MNAT1: variants seen among roughly 807,000 people sequenced by gnomAD.
The protein encoded by MNAT1 is CDK-activating kinase assembly factor MAT1.
Under a neutral mutation model 42.0 loss-of-function variants are expected in MNAT1, and 43 were observed. That is an observed-to-expected ratio of 1.02 (90% CI 0.80 to 1.32). The LOEUF (loss-of-function observed/expected upper bound fraction) is 1.32, where lower values mean the gene tolerates loss of function less well. MNAT1 is among the 40% of genes most tolerant of loss of function. MNAT1 has a pLI of 0.00. For missense variants in MNAT1, 306 were observed against 350.4 expected (o/e 0.87, Z 1.01); for synonymous variants, 118 against 120.0 (o/e 0.98, Z 0.11).
At chr14:60,813,105 G>C (rs975395285) in intron 5 of MNAT1, among the ~76,000 whole-genome samples, 1 of 152,214 alleles carries the variant, frequency 6.6e-6, no homozygotes, top group Admixed American at 6.5e-5. Flanking sequence ...CTTTGGGGTT[G>C]TGGGCCCCCT....
At chr14:60,796,629 T>G (rs1211490853) in intron 2 of MNAT1, among the ~76,000 whole-genome samples, 1 of 152,224 alleles carries the variant, frequency 6.6e-6, no homozygotes, top group East Asian at 1.9e-4. Context: ...GAGTACCTAC[T>G]ATGTGTAAAC....
intron 3 of MNAT1, among the ~76,000 whole-genome samples, chr14:60,802,789 T>C (rs776029050): frequency 5.9e-5 from 9 of 152,168 alleles, no homozygotes; most frequent in Admixed American, 1.3e-4. Flanking sequence ...TATTTTCTAT[T>C]ATTTTGTTTT....
intron 5 of MNAT1, among the ~76,000 whole-genome samples, chr14:60,814,205 G>T (rs1195010473): frequency 1.3e-5 from 2 of 152,100 alleles, no homozygotes; most frequent in Non-Finnish European, 2.9e-5. Context: ...AAAAAATAGT[G>T]TATTTTTGCT....
chr14:60,968,704 C>T lies in MNAT1; in HGVS notation c.*355C>T, dbSNP rs540551304. On this transcript the variant is annotated 3_prime_UTR_variant, in exon 8 of 8. Coordinates refer to ENST00000261245, the MANE Select transcript of MNAT1 (RefSeq NM_002431.4). The stretch of plus-strand genomic sequence containing the variant: ...AAGTTCTGTGGTTTTTCTCTTATTA[C>T]AGTGTTTTACTTGAACACATTTTAA... 7 of 351,476 alleles carry T rather than the reference C, an allele frequency of 2.0e-5. No individual in the cohort carries two copies. The East Asian group carries it at 4.7e-4, about 23-fold the overall frequency. The allele number at this position is 351,476 out of a possible 1,614,324, so 21.8% of individuals were successfully genotyped here.
intron 3 of MNAT1, among the ~76,000 whole-genome samples, chr14:60,807,614 T>C (rs1406612454): frequency 1.3e-5 from 2 of 152,288 alleles, no homozygotes; most frequent in South Asian, 2.1e-4. Context: ...GATTTACATA[T>C]GGAAAATTAG....
At chr14:60,856,943 T>G (rs943474602) in intron 6 of MNAT1, among the ~76,000 whole-genome samples, 1 of 152,116 alleles carries the variant, frequency 6.6e-6, no homozygotes, top group East Asian at 1.9e-4. Flanking sequence ...CCTCCCAAAG[T>G]GCTGAGATTA....
intron 6 of MNAT1, among the ~76,000 whole-genome samples, chr14:60,825,462 G>T (rs2033027972): frequency 6.6e-6 from 1 of 152,158 alleles, no homozygotes; most frequent in Non-Finnish European, 1.5e-5. Context: ...ATATCCCAGG[G>T]GTTGATTTTG....
chr14:60,957,223 A>G (rs1288913255), intron 7 of MNAT1, among the ~76,000 whole-genome samples: 1 of 152,134 alleles, frequency 6.6e-6, no homozygotes, highest in Non-Finnish European at 1.5e-5. Context: ...TAGTTACGCT[A>G]GTCATACAAA....
intron 7 of MNAT1, among the ~76,000 whole-genome samples, chr14:60,891,143 C>T (rs1425079373): frequency 6.6e-6 from 1 of 152,080 alleles, no homozygotes; most frequent in Non-Finnish European, 1.5e-5. Flanking sequence ...ACTTTCATTT[C>T]TGATTTTAGT....
In MNAT1 at chr14:60,808,424, A is replaced by G; in HGVS notation, c.416A>G (p.Lys139Arg). 1.3e-6 allele frequency: 2 copies of G among 1,524,284 alleles called. No homozygotes were observed. Among genetic ancestry groups the G allele is most frequent in the South Asian group, 1.2e-5 (1 of 80,710 alleles). 94.4% of individuals were successfully genotyped at this position (1,524,284 alleles called of 1,614,324 possible). Reference sequence around the variant, plus strand: ...GATGTTATTCAGAAAAATAAATTAAAGCTGGTCGGTTGCTAAGTATTTTCT... The same window carrying G: ...GATGTTATTCAGAAAAATAAATTAAGGCTGGTCGGTTGCTAAGTATTTTCT... ...NKDVIQKNKL[K>R]LTREQEELEE... Residue 139 changes from lysine (K) to arginine (R), a missense_variant, in exon 4 of 8, where the codon AAG (lysine) becomes AGG (arginine). This residue lies in a region of MNAT1 where 118 missense variants were observed against 99.8 expected (regional missense o/e 1.18). Transcript: ENST00000261245.
At chr14:60,904,383 G>C (rs1472102476) in intron 7 of MNAT1, among the ~76,000 whole-genome samples, 1 of 151,718 alleles carries the variant, frequency 6.6e-6, no homozygotes, top group South Asian at 2.1e-4. Flanking sequence ...TTTTTTGTTT[G>C]TTTGTTTTTG....
At chr14:60,896,887 G>A (rs2034969179) in intron 7 of MNAT1, among the ~76,000 whole-genome samples, 1 of 152,134 alleles carries the variant, frequency 6.6e-6, no homozygotes, top group Non-Finnish European at 1.5e-5. Context: ...TTGGCAAAGT[G>A]TTGAATAGAT....
intron 7 of MNAT1, among the ~76,000 whole-genome samples, chr14:60,896,495 C>G (rs2034959334): frequency 6.6e-6 from 1 of 152,108 alleles, no homozygotes; most frequent in Non-Finnish European, 1.5e-5. Context: ...CTACTGTCTT[C>G]TTTTTTCTTT....
At chr14:60,924,051 G>T (rs1047592510) in intron 7 of MNAT1, among the ~76,000 whole-genome samples, 3 of 152,226 alleles carry the variant, frequency 2.0e-5, no homozygotes, top group African/African-American at 7.2e-5. Context: ...CTTTAAAGGA[G>T]GCAGAAGAAG....
intron 6 of MNAT1, among the ~76,000 whole-genome samples, chr14:60,823,675 A>G (rs1029940904): frequency 6.6e-6 from 1 of 151,616 alleles, no homozygotes; most frequent in Admixed American, 6.6e-5. Flanking sequence ...CCTGGGCAAC[A>G]TGGCAAAACC....
At chr14:60,958,502 G>A (rs1594911492) in intron 7 of MNAT1, among the ~76,000 whole-genome samples, 1 of 151,182 alleles carries the variant, frequency 6.6e-6, no homozygotes, top group East Asian at 1.9e-4. Flanking sequence ...GTCTTCTCTG[G>A]GTTGAATCTG....
intron 1 of MNAT1, among the ~76,000 whole-genome samples, chr14:60,758,691 T>C (rs1299616414): frequency 6.6e-6 from 1 of 152,198 alleles, no homozygotes; most frequent in Non-Finnish European, 1.5e-5. Flanking sequence ...GGTGGTTTCT[T>C]GTGTCTTCCA....
chr14:60,780,302 A>G (rs1041339070), intron 1 of MNAT1: 19 of 1,506,294 alleles, frequency 1.3e-5, no homozygotes, highest in Non-Finnish European at 1.8e-5. Context: ...GTGTGATAAG[A>G]CTGCAAAAGA....
intron 1 of MNAT1, among the ~76,000 whole-genome samples, chr14:60,759,555 G>A (rs377367026): frequency 2.6e-5 from 4 of 152,298 alleles, no homozygotes; most frequent in South Asian, 4.1e-4. Context: ...TTGATGAGTA[G>A]CCATCATTAA....
Sources: allele counts gnomAD v4.1 joint callset (sites outside exome capture counted in the v4.1 genomes callset), GRCh38; gene constraint gnomAD v4.1.1; regional missense constraint gnomAD v4.1.1; transcripts MANE v1.5; gene names NCBI Gene and HGNC (gene_info 2026-07-23, HGNC 2026-07-21).